The following SGCZ variants were observed in gnomAD, a reference collection of about 807,000 sequenced individuals.
SGCZ encodes sarcoglycan zeta.
Under a neutral mutation model 41.3 loss-of-function variants are expected in SGCZ, and 40 were observed. The ratio of observed to expected loss-of-function variants is 0.97; its 90% CI spans 0.75 to 1.26. The LOEUF is 1.26. SGCZ is among the 50% of genes most tolerant of loss of function. The probability of loss-of-function intolerance (pLI) is 0.00; values close to 1 mark genes in which losing one functional copy is unlikely to be tolerated. For synonymous variants in SGCZ, 206 were observed against 137.5 expected (o/e 1.50, Z -3.49); for missense variants, 552 against 369.8 (o/e 1.49, Z -4.04).
At chr8:15,202,919 T>C (rs905954352) in intron 1 of SGCZ, among the ~76,000 whole-genome samples, 6 of 152,058 alleles carry the variant, frequency 3.9e-5, no homozygotes, top group African/African-American at 1.4e-4. Flanking sequence ...AAGACCAGCC[T>C]GGCCAACATG....
chr8:14,929,282 C>T (rs905181515), intron 1 of SGCZ, among the ~76,000 whole-genome samples: 2 of 152,170 alleles, frequency 1.3e-5, no homozygotes, highest in African/African-American at 2.4e-5. Context: ...TGAACCACTG[C>T]GCCTGGCCAA....
chr8:14,776,586 C>G (rs544425243), intron 1 of SGCZ, among the ~76,000 whole-genome samples: 1 of 149,646 alleles, frequency 6.7e-6, no homozygotes, highest in African/African-American at 2.5e-5. Context: ...CTCAGCCTCC[C>G]GGGTTCAGGC....
intron 2 of SGCZ, among the ~76,000 whole-genome samples, chr8:14,426,574 G>A (rs1436607820): frequency 6.6e-6 from 1 of 152,026 alleles, no homozygotes; most frequent in Non-Finnish European, 1.5e-5. Context: ...TACGCCTAAG[G>A]GAGAAGTTTT....
chr8:14,377,938 A>T (rs903369557), intron 2 of SGCZ, among the ~76,000 whole-genome samples: 2 of 150,684 alleles, frequency 1.3e-5, no homozygotes. Context: ...ATCGTTGGAC[A>T]TTAGGCTTGG....
chr8:14,490,680 A>G (rs1189872743), intron 2 of SGCZ, among the ~76,000 whole-genome samples: 1 of 152,188 alleles, frequency 6.6e-6, no homozygotes, highest in Non-Finnish European at 1.5e-5. Flanking sequence ...TGTTCTTGAG[A>G]ACAGCTCAGG....
intron 5 of SGCZ, among the ~76,000 whole-genome samples, chr8:14,144,942 G>C (rs912750443): frequency 6.6e-6 from 1 of 152,292 alleles, no homozygotes; most frequent in South Asian, 2.1e-4. Flanking sequence ...CTTGTGGTTT[G>C]ATTGCCAGCT....
At chr8:15,076,659 C>A (rs1805542273) in intron 1 of SGCZ, among the ~76,000 whole-genome samples, 1 of 152,064 alleles carries the variant, frequency 6.6e-6, no homozygotes, top group Non-Finnish European at 1.5e-5. Context: ...CCAAACCAGC[C>A]AGAAGGTAGA....
At chr8:14,458,711 A>C (rs1288783488) in intron 2 of SGCZ, among the ~76,000 whole-genome samples, 2 of 152,012 alleles carry the variant, frequency 1.3e-5, no homozygotes, top group African/African-American at 4.8e-5. Context: ...ATATCTACCT[A>C]CCTACCTACC....
intron 1 of SGCZ, among the ~76,000 whole-genome samples, chr8:14,666,406 A>T (rs1435722759): frequency 6.6e-6 from 1 of 152,192 alleles, no homozygotes; most frequent in African/African-American, 2.4e-5. Flanking sequence ...TCATTTTATG[A>T]TGGTAATTGG....
chr8:14,851,892 T>A (rs1803341512), intron 1 of SGCZ, among the ~76,000 whole-genome samples: 1 of 152,072 alleles, frequency 6.6e-6, no homozygotes, highest in Non-Finnish European at 1.5e-5. Context: ...GGATAACCAG[T>A]TTTATTAAAG....
At chr8:15,180,502 C>T (rs554989090) in intron 1 of SGCZ, among the ~76,000 whole-genome samples, 22 of 151,912 alleles carry the variant, frequency 1.4e-4, no homozygotes, top group African/African-American at 4.6e-4. Flanking sequence ...TTTGTAAATG[C>T]TCTCTTTGAT....
At position 14,248,056 on chromosome 8, in the gene SGCZ, A is replaced by T. The variant is rs148324861; in HGVS notation, c.337-10377T>A. Among the ~76,000 whole-genome samples, 67 of 152,336 alleles carry T rather than the reference A, an allele frequency of 4.4e-4. 2 individuals carry two copies. The highest frequency in any genetic ancestry group is 1.5e-3 in the African/African-American group (64 of 41,592). On this transcript the variant is annotated intron_variant, in intron 3 of 7. Coordinates refer to ENST00000382080, the MANE Select transcript of SGCZ (RefSeq NM_139167.4). ...CCAATTTGTATGTCCAAAGAAATCA[A>T]ATTTTAATGGAATTAGATATTTTAA...
At chr8:14,191,111 T>C (rs1391192572) in intron 4 of SGCZ, among the ~76,000 whole-genome samples, 4 of 152,222 alleles carry the variant, frequency 2.6e-5, no homozygotes, top group African/African-American at 9.6e-5. Flanking sequence ...TGAATACCTT[T>C]TCATATATGT....
chr8:15,169,849 G>A lies in SGCZ; in HGVS notation c.39+67736C>T, dbSNP rs1452459227. Among the ~76,000 whole-genome samples, 3 of 152,126 alleles carry A rather than the reference G, an allele frequency of 2.0e-5. No individual in the cohort carries two copies. The East Asian group carries it at 5.8e-4, about 29-fold the overall frequency. ...TATTTCAATGTTTCCATTCTGGGGG[G>A]ATGCAAACTCTCAGTCCACTGCACA... On this transcript the variant is annotated intron_variant, in intron 1 of 7. Transcript: ENST00000382080.
chr8:14,373,812 G>C (rs2117169350), intron 2 of SGCZ, among the ~76,000 whole-genome samples: 1 of 152,086 alleles, frequency 6.6e-6, no homozygotes, highest in East Asian at 1.9e-4. Context: ...TGATAGCAGA[G>C]AACTGGAATG....
intron 4 of SGCZ, among the ~76,000 whole-genome samples, chr8:14,194,555 A>G (rs1022429187): frequency 1.3e-5 from 2 of 151,990 alleles, no homozygotes; most frequent in African/African-American, 2.4e-5. Flanking sequence ...TAGGAATAAT[A>G]AAATAGTAAA....
At chr8:15,115,627 C>T (rs62499780) in intron 1 of SGCZ, among the ~76,000 whole-genome samples, 8,108 of 152,242 alleles carry the variant, frequency 0.053, 261 homozygotes, top group Middle Eastern at 0.13. Flanking sequence ...ATACATGCAA[C>T]GGTTATCACT....
intron 1 of SGCZ, among the ~76,000 whole-genome samples, chr8:14,672,943 G>C (rs907252056): frequency 1.3e-5 from 2 of 152,154 alleles, no homozygotes; most frequent in Non-Finnish European, 2.9e-5. Flanking sequence ...GTTGTACAGA[G>C]AGAGAAACCA....
At chr8:15,200,603 C>T (rs1800860435) in intron 1 of SGCZ, among the ~76,000 whole-genome samples, 1 of 152,190 alleles carries the variant, frequency 6.6e-6, no homozygotes, top group Admixed American at 6.5e-5. Context: ...TTTCTTCCAT[C>T]TTATGACTGT....
Sources: gnomAD v4.1 joint callset for allele counts (sites outside exome capture counted in the v4.1 genomes callset) on GRCh38, gnomAD v4.1.1 for gene constraint, MANE v1.5 for transcripts, NCBI Gene and HGNC (gene_info 2026-07-23, HGNC 2026-07-21) for gene names.